The following SNX24 variants were observed in gnomAD, a reference collection of about 807,000 sequenced individuals.
The protein encoded by SNX24 is sorting nexin 24.
Under a neutral mutation model 28.7 loss-of-function variants are expected in SNX24, and 22 were observed. That is an observed-to-expected ratio of 0.77 (90% CI 0.55 to 1.10). The LOEUF (loss-of-function observed/expected upper bound fraction) is 1.10. Ranked by LOEUF, SNX24 falls within the 50% of genes least tolerant of loss-of-function variation. The pLI, the probability that SNX24 is intolerant of heterozygous loss-of-function variation, is 0.00. For synonymous variants in SNX24, 69 were observed against 71.5 expected (o/e 0.96, Z 0.18); for missense variants, 221 against 201.1 (o/e 1.10, Z -0.60).
intron 1 of SNX24, among the ~76,000 whole-genome samples, chr5:122,928,995 T>A (rs1293497388): frequency 6.6e-6 from 1 of 151,972 alleles, no homozygotes; most frequent in African/African-American, 2.4e-5. Context: ...TGTTAATTTG[T>A]GTGATTGTCC....
intron 1 of SNX24, among the ~76,000 whole-genome samples, chr5:122,921,072 T>C (rs1270871254): frequency 6.6e-6 from 1 of 152,074 alleles, no homozygotes; most frequent in Non-Finnish European, 1.5e-5. Flanking sequence ...AGAATATATA[T>C]ATATACATAT....
chr5:122,988,043 G>A lies in SNX24; in HGVS notation c.250-11869G>A, dbSNP rs1457639440. Among the ~76,000 whole-genome samples, 3 of 152,174 alleles carry A rather than the reference G, an allele frequency of 2.0e-5. No homozygotes were observed. The East Asian group carries it at 5.8e-4, about 29-fold the overall frequency. Reference sequence around the variant, plus strand: ...GGAAAAAGGAGCATGCCTGTCAGGTGTTCCCAGGTACTTCCCTGCCCCCCT... The same window carrying A: ...GGAAAAAGGAGCATGCCTGTCAGGTATTCCCAGGTACTTCCCTGCCCCCCT... On this transcript the variant is annotated intron_variant, in intron 3 of 6. Coordinates refer to ENST00000261369, the MANE Select transcript of SNX24 (RefSeq NM_014035.4).
At chr5:122,960,489 T>C (rs939689255) in intron 3 of SNX24, among the ~76,000 whole-genome samples, 8 of 152,260 alleles carry the variant, frequency 5.3e-5, no homozygotes, top group Admixed American at 5.2e-4. Context: ...CATTTTATTA[T>C]TAAATTTCCT....
Position 123,001,981 on chromosome 5 carries a change from C to T in SNX24, c.419C>T (p.Pro140Leu), listed in dbSNP as rs1762263329. 1.2e-6 allele frequency: 2 copies of T among 1,614,126 alleles called. No individual in the cohort carries two copies. The highest frequency in any genetic ancestry group is 1.7e-6 in the Non-Finnish European group (2 of 1,179,986). ...CCTGTGCTGCTGTTCCTCAGGGATC[C>T]ATATGTCTTGCCTGCAGCCAGCGGT... is the stretch of plus-strand genomic sequence containing the variant. ...HQPVLLFLRDPYVLPAASDFP... is the reference protein window; with the variant it reads ...HQPVLLFLRDLYVLPAASDFP... The change falls in exon 6 of 7, where the codon CCA becomes CTA. Residue 140 changes from proline (P) to leucine (L), a missense_variant. Pro to Leu is a moderately conservative substitution (Grantham distance 98). Coordinates refer to ENST00000261369, the MANE Select transcript of SNX24 (RefSeq NM_014035.4).
At chr5:122,889,244 A>G (rs1437791795) in intron 1 of SNX24, among the ~76,000 whole-genome samples, 2 of 152,078 alleles carry the variant, frequency 1.3e-5, no homozygotes, top group Admixed American at 6.5e-5. Flanking sequence ...GCATTCCTCA[A>G]TTTTTAACAT....
intron 1 of SNX24, among the ~76,000 whole-genome samples, chr5:122,901,261 C>G (rs1194717955): frequency 6.6e-6 from 1 of 150,434 alleles, no homozygotes; most frequent in African/African-American, 2.4e-5. Flanking sequence ...TTGCACTGTA[C>G]CTAAGTTTTG....
chr5:122,955,352 G>T lies in SNX24; in HGVS notation c.249+9193G>T, dbSNP rs75802029. On this transcript the variant is annotated intron_variant, in intron 3 of 6. Coordinates refer to ENST00000261369, the MANE Select transcript of SNX24 (RefSeq NM_014035.4). ...TTATTGTGGCTGCTTTAAAATCATT[G>T]TCCAATAATCTTTACATCTCTGTCA... 8.8e-4 allele frequency among the ~76,000 whole-genome samples: 134 copies of T among 151,976 alleles called. 1 individual carries two copies. In the East Asian group the frequency reaches 0.022, roughly 25 times the overall value.
intron 1 of SNX24, among the ~76,000 whole-genome samples, chr5:122,928,184 T>C (rs2150109384): frequency 6.6e-6 from 1 of 152,330 alleles, no homozygotes; most frequent in East Asian, 1.9e-4. Context: ...ATGGTAATGC[T>C]GAAAGTTAAA....
At chr5:123,029,007 C>T in intron 5 of SNX24, 1 of 864,238 alleles carries the variant, frequency 1.2e-6, no homozygotes, top group Non-Finnish European at 1.7e-6. Flanking sequence ...CTATGGTTTA[C>T]TGAGAGAAAT....
intron 1 of SNX24, among the ~76,000 whole-genome samples, chr5:122,870,793 C>G (rs1755938337): frequency 6.6e-6 from 1 of 152,136 alleles, no homozygotes; most frequent in Non-Finnish European, 1.5e-5. Context: ...AGGTGCCTGA[C>G]CCTAAGGGAG....
chr5:122,886,780 A>G (rs1424857228), intron 1 of SNX24, among the ~76,000 whole-genome samples: 2 of 152,066 alleles, frequency 1.3e-5, no homozygotes, highest in East Asian at 1.9e-4. Flanking sequence ...CAGTGAGCCA[A>G]GATCACGCCA....
chr5:122,964,500 G>T lies in SNX24; in HGVS notation c.249+18341G>T, dbSNP rs181482020. 5.2e-4 allele frequency among the ~76,000 whole-genome samples: 79 copies of T among 151,886 alleles called. 1 individual carries two copies. In the East Asian group the frequency reaches 0.013, roughly 26 times the overall value. ...TATGCCTTCTTTGTCTTTTTCTCGT[G>T]CATGTTTATAATAATATATTTTCAA... is the stretch of plus-strand genomic sequence containing the variant. On this transcript the variant is annotated intron_variant, in intron 3 of 6. Coordinates refer to ENST00000261369, the MANE Select transcript of SNX24 (RefSeq NM_014035.4).
intron 1 of SNX24, among the ~76,000 whole-genome samples, chr5:122,930,082 C>T (rs1262902119): frequency 6.6e-6 from 1 of 152,144 alleles, no homozygotes; most frequent in African/African-American, 2.4e-5. Flanking sequence ...CTATGGATTT[C>T]TTTGTTTCTC....
chr5:122,936,418 A>G (rs1043858537), intron 1 of SNX24, among the ~76,000 whole-genome samples: 2 of 152,286 alleles, frequency 1.3e-5, no homozygotes, highest in Non-Finnish European at 2.9e-5. Flanking sequence ...TTTCAATGCT[A>G]TCATATTCAC....
intron 3 of SNX24, among the ~76,000 whole-genome samples, chr5:122,994,999 C>T (rs1762002050): frequency 6.6e-6 from 1 of 152,120 alleles, no homozygotes; most frequent in Non-Finnish European, 1.5e-5. Flanking sequence ...CCTACGTGCA[C>T]CATAATAATA....
At chr5:122,903,604 G>A (rs559744283) in intron 1 of SNX24, among the ~76,000 whole-genome samples, 8 of 152,224 alleles carry the variant, frequency 5.3e-5, no homozygotes, top group East Asian at 1.9e-4. Context: ...TCTTTGTTGC[G>A]TGAATGAAGA....
At chr5:122,908,108 A>C (rs993181683) in intron 1 of SNX24, among the ~76,000 whole-genome samples, 2 of 152,210 alleles carry the variant, frequency 1.3e-5, no homozygotes, top group African/African-American at 4.8e-5. Flanking sequence ...TGGTGCTGTA[A>C]GCACAAGTGG....
At chr5:122,992,481 T>G (rs565307128) in intron 3 of SNX24, among the ~76,000 whole-genome samples, 4 of 152,252 alleles carry the variant, frequency 2.6e-5, no homozygotes, top group African/African-American at 7.2e-5. Flanking sequence ...CCTTAAGGGT[T>G]TTTTTAATGT....
At chr5:122,997,083 C>T (rs768728523) in intron 3 of SNX24, among the ~76,000 whole-genome samples, 25 of 152,148 alleles carry the variant, frequency 1.6e-4, no homozygotes, top group Non-Finnish European at 3.2e-4. Context: ...GATTTAATTC[C>T]TCTTTTGTAT....
Sources: gnomAD v4.1 joint callset for allele counts (sites outside exome capture counted in the v4.1 genomes callset) on GRCh38, gnomAD v4.1.1 for gene constraint, MANE v1.5 for transcripts, NCBI Gene and HGNC (gene_info 2026-07-23, HGNC 2026-07-21) for gene names.